The following COL5A2 variants were observed in gnomAD, a reference collection of about 807,000 sequenced individuals.
COL5A2 encodes the protein collagen type V alpha 2 chain.
In COL5A2, 23 loss-of-function variants were observed where a neutral mutation model predicts 208.2. The observed-to-expected ratio is 0.11, with a 90% CI of 0.08 to 0.16. The LOEUF (loss-of-function observed/expected upper bound fraction) is 0.16. Among genes scored for constraint, COL5A2 ranks in the 10% least tolerant of loss-of-function variants. The pLI is 1.00. For synonymous variants in COL5A2, 625 were observed against 628.5 expected (o/e 0.99, Z 0.08); for missense variants, 1,590 against 1,956.4 (o/e 0.81, Z 3.53).
At chr2:189,382,888 T>C in the COL5A2 span, among the ~76,000 whole-genome samples, 4 of 152,102 alleles carry the variant, frequency 2.6e-5, no homozygotes, top group East Asian at 5.8e-4. Context: ...GGATGTTACA[T>C]AGTACATTCA....
At position 189,032,382 on chromosome 2, in the gene COL5A2, A is replaced by G. The variant is rs929633909; in HGVS notation, c.*1688T>C. On this transcript the variant is annotated 3_prime_UTR_variant, in exon 54 of 54. Transcript: ENST00000374866. ...TAGATTTTCATTTATAAGCCAGTACATACATGATAGAAGGTATCCGTTGTA... is the reference window on the plus strand; with the variant it reads ...TAGATTTTCATTTATAAGCCAGTACGTACATGATAGAAGGTATCCGTTGTA... 6.6e-6 allele frequency: 1 copy of G among 152,174 alleles called. No individual in the cohort carries two copies. Among genetic ancestry groups the G allele is most frequent in the African/African-American group, 2.4e-5 (1 of 41,454 alleles). The allele number at this position is 152,174 out of a possible 1,614,324, so 9.4% of individuals were successfully genotyped here. A position where few individuals can be genotyped will look rare whatever the true frequency, so the allele number is the denominator to read the frequency against.
chr2:189,360,891 T>C, the COL5A2 span, among the ~76,000 whole-genome samples: 9 of 152,130 alleles, frequency 5.9e-5, no homozygotes, highest in African/African-American at 1.9e-4. Flanking sequence ...GTTCTTTTGT[T>C]AGTTTGCTGA....
intron 1 of COL5A2, among the ~76,000 whole-genome samples, chr2:189,188,533 T>C (rs1559141435): frequency 6.6e-6 from 1 of 152,238 alleles, no homozygotes; most frequent in African/African-American, 2.4e-5. Context: ...ATTGTTTGTA[T>C]TGGAATAGAC....
At chr2:189,237,267 A>AT in the COL5A2 span, among the ~76,000 whole-genome samples, 2 of 151,516 alleles carry the variant, frequency 1.3e-5, no homozygotes, top group African/African-American at 4.8e-5. Context: ...ATTTGTTAGT[A>AT]TTTTTTTAGA....
chr2:189,063,930 T>C, intron 26 of COL5A2, 50 bp downstream of exon 26: 1 of 1,397,668 alleles, frequency 7.2e-7, no homozygotes, highest in South Asian at 1.2e-5. Context: ...TTAAGTTGCA[T>C]GTCTGTTGAA....
the COL5A2 span, among the ~76,000 whole-genome samples, chr2:189,437,031 AAG>A: frequency 2.0e-5 from 3 of 152,140 alleles, no homozygotes; most frequent in South Asian, 4.1e-4. Flanking sequence ...TTTAAAAAAA[AAG>A]AGAGAGAGAA....
chr2:189,130,754 AC>A lies in COL5A2; in HGVS notation c.98-20306del, dbSNP rs952822701. ...GAAATATTAGAGTATAAACCAGTCT[AC>A]AAACCTACCTTTTACACAAGTGCCT... On this transcript the variant is annotated intron_variant, in intron 1 of 53. Transcript: ENST00000374866. Among the ~76,000 whole-genome samples, 36 of 152,194 alleles carry A rather than the reference AC, an allele frequency of 2.4e-4. 1 individual carries two copies. Among genetic ancestry groups the A allele is most frequent in the African/African-American group, 7.0e-4 (29 of 41,560 alleles).
chr2:189,114,438 A>C (rs992120872), intron 1 of COL5A2, among the ~76,000 whole-genome samples: 1 of 152,220 alleles, frequency 6.6e-6, no homozygotes, highest in Admixed American at 6.5e-5. Flanking sequence ...GCAAAATTGC[A>C]GCCAATTTGT....
the COL5A2 span, among the ~76,000 whole-genome samples, chr2:189,347,126 C>T: frequency 1.8e-4 from 28 of 152,254 alleles, no homozygotes; most frequent in African/African-American, 6.5e-4. Flanking sequence ...AGTCACAGCC[C>T]TAGCATTACA....
intron 1 of COL5A2, among the ~76,000 whole-genome samples, chr2:189,199,189 T>C (rs1377060686): frequency 2.0e-5 from 3 of 152,180 alleles, no homozygotes; most frequent in Non-Finnish European, 2.9e-5. Flanking sequence ...AATTGGTCAG[T>C]ATATGATCAA....
chr2:189,423,904 A>G, the COL5A2 span, among the ~76,000 whole-genome samples: 2 of 152,074 alleles, frequency 1.3e-5, no homozygotes, highest in African/African-American at 4.8e-5. Flanking sequence ...GGAAAAAAAA[A>G]AGCTACAGGC....
the COL5A2 span, among the ~76,000 whole-genome samples, chr2:189,366,857 A>C: frequency 2.6e-4 from 40 of 152,254 alleles, no homozygotes; most frequent in African/African-American, 9.6e-4. Flanking sequence ...CGTCTTCCCA[A>C]TTATATCATT....
chr2:189,353,973 T>A, the COL5A2 span, among the ~76,000 whole-genome samples: 6 of 152,350 alleles, frequency 3.9e-5, no homozygotes, highest in East Asian at 1.2e-3. Context: ...ATACCTAGTT[T>A]ATTGACAGTT....
At chr2:189,272,374 A>G in the COL5A2 span, among the ~76,000 whole-genome samples, 1 of 152,136 alleles carries the variant, frequency 6.6e-6, no homozygotes, top group African/African-American at 2.4e-5. Flanking sequence ...CCATGAATGA[A>G]GCTGGAAACC....
the COL5A2 span, among the ~76,000 whole-genome samples, chr2:189,235,827 C>T: frequency 6.6e-6 from 1 of 151,532 alleles, no homozygotes; most frequent in Non-Finnish European, 1.5e-5. Context: ...TACTGTTGGC[C>T]CTTGACTAGC....
chr2:189,256,025 T>A, the COL5A2 span, among the ~76,000 whole-genome samples: 1 of 152,184 alleles, frequency 6.6e-6, no homozygotes, highest in Non-Finnish European at 1.5e-5. Flanking sequence ...ACCTTCAGCA[T>A]TTATATGTTA....
intron 16 of COL5A2, among the ~76,000 whole-genome samples, chr2:189,077,318 C>T (rs1335094683): frequency 1.3e-5 from 2 of 152,078 alleles, no homozygotes; most frequent in Non-Finnish European, 2.9e-5. Context: ...CGGGTAGAGG[C>T]GGGATCTGAG....
the COL5A2 span, among the ~76,000 whole-genome samples, chr2:189,307,410 ATAAAAAT>A: frequency 6.6e-6 from 1 of 152,236 alleles, no homozygotes. Context: ...TAAGGAGGTA[ATAAAAAT>A]TAAAAATTAA....
intron 12 of COL5A2, 133 bp from the exon 13 acceptor site, chr2:189,081,176 C>G: frequency 1.4e-6 from 1 of 718,368 alleles, no homozygotes; most frequent in Non-Finnish European, 2.5e-6. Context: ...CAAAAAAAAG[C>G]AGTATACTTT....
Sources: gnomAD v4.1 joint callset for allele counts (sites outside exome capture counted in the v4.1 genomes callset) on GRCh38, gnomAD v4.1.1 for gene constraint, MANE v1.5 for transcripts, NCBI Gene and HGNC (gene_info 2026-07-23, HGNC 2026-07-21) for gene names.